SLC12A5: variants seen among roughly 807,000 people sequenced by gnomAD.
SLC12A5 encodes K-Cl cotransporter 2.
A neutral mutation model predicts 124.0 loss-of-function variants in SLC12A5; 18 were observed. The ratio of observed to expected loss-of-function variants is 0.15; its 90% confidence interval spans 0.10 to 0.22. The LOEUF (loss-of-function observed/expected upper bound fraction) is 0.22, where lower values mean the gene tolerates loss of function less well. SLC12A5 is among the 10% of genes least tolerant of loss of function. SLC12A5 has a pLI of 1.00. For synonymous variants in SLC12A5, 589 were observed against 568.0 expected, an observed-to-expected ratio of 1.04 and a Z score of -0.53; for missense variants, 867 against 1,478.7, an observed-to-expected ratio of 0.59 and a Z score of 6.78.
Position 46,036,634 on chromosome 20 carries a change from A to G in SLC12A5, c.427-107A>G, listed in dbSNP as rs1882662593. ...GGTCCAGGGAGCAGCTCAGCAGAAG[A>G]GAACCTGTGGGTTTGGCTGGTGTTT... On this transcript the variant is annotated intron_variant, in intron 4 of 25. Transcript: ENST00000243964. The G allele has an allele frequency of 3.4e-6, 4 of 1,176,998 alleles. No individual in the cohort carries two copies. In the Admixed American group the frequency reaches 5.3e-5, roughly 16 times the overall value. The allele number at this position is 1,176,998 out of a possible 1,614,324, so 72.9% of individuals were successfully genotyped here.
At chr20:46,039,107 T>C (rs767835666) in intron 6 of SLC12A5, among the ~76,000 whole-genome samples, 8 of 152,354 alleles carry the variant, frequency 5.3e-5, no homozygotes, top group South Asian at 4.1e-4. Flanking sequence ...CTAGTTTTTG[T>C]TTTTCTATGT....
chr20:46,053,903 AT>A lies in SLC12A5; in HGVS notation c.2679+195del, dbSNP rs1254920119. Among the ~76,000 whole-genome samples the A allele has an allele frequency of 6.6e-6, 1 of 152,184 alleles. No homozygotes were observed. Among genetic ancestry groups the A allele is most frequent in the Non-Finnish European group, 1.5e-5 (1 of 68,026 alleles). ...AGTAGCCATGTCTAGTGCTTATTAT[AT>A]GCCAGGCACTGTTCTATGCACTTTA... On this transcript the variant is annotated intron_variant, in intron 20 of 25. Coordinates refer to ENST00000243964, the MANE Select transcript of SLC12A5 (RefSeq NM_020708.5). The surrounding 1 kb of genome is among the most constrained non-coding windows in gnomAD (Gnocchi z 4.7).
rs6131007 is a variant in SLC12A5 at position 46,059,314 on chromosome 20, A to G, written c.*1709A>G. The stretch of plus-strand genomic sequence containing the variant: ...CAGAGCTGGAGCTGGCGCCACCCAG[A>G]CAGCGTCAGGTGTGGCTGGGGTAGG... On this transcript the variant is annotated 3_prime_UTR_variant, in exon 26 of 26. Transcript: ENST00000243964. 1.8e-3 allele frequency: 663 copies of G among 358,794 alleles called. 8 individuals carry two copies. In the East Asian group the frequency reaches 0.025, roughly 14 times the overall value. 22.2% of individuals were successfully genotyped at this position (358,794 alleles called of 1,614,324 possible).
intron 1 of SLC12A5, chr20:46,021,956 C>T (rs2084359272): frequency 2.1e-6 from 3 of 1,414,298 alleles, no homozygotes; most frequent in East Asian, 2.7e-5. Flanking sequence ...GGCGGACCGT[C>T]TGTTGAAGGG....
At chr20:46,047,241 T>G (rs984400684) in intron 14 of SLC12A5, among the ~76,000 whole-genome samples, 4 of 152,118 alleles carry the variant, frequency 2.6e-5, no homozygotes, top group African/African-American at 9.7e-5. Context: ...GGGCAGGGCA[T>G]TGGGTAGTGC....
intron 8 of SLC12A5, 43 bp downstream of exon 8, chr20:46,041,583 G>T (rs747042473): frequency 7.5e-6 from 12 of 1,604,516 alleles, no homozygotes; most frequent in Non-Finnish European, 1.0e-5. Context: ...AACGCTGCAG[G>T]GATTGTAGGT....
At chr20:46,051,555 C>T in intron 17 of SLC12A5, 120 bp from the exon 18 acceptor site, 1 of 915,918 alleles carries the variant, frequency 1.1e-6, no homozygotes, top group East Asian at 2.7e-5. Flanking sequence ...GTGATCAGAG[C>T]TGAGCTTCAG....
intron 4 of SLC12A5, 37 bp from the exon 5 acceptor site, chr20:46,036,704 A>C (rs1430393912): frequency 1.2e-6 from 2 of 1,612,568 alleles, no homozygotes; most frequent in Non-Finnish European, 1.7e-6. Flanking sequence ...TGCGGCCCCT[A>C]CCCCAGCCAC....
In SLC12A5 at chr20:46,047,362, T is replaced by G. The variant is rs116409421; in HGVS notation, c.1788-92T>G. 9.1e-4 allele frequency: 1,402 copies of G among 1,546,960 alleles called. 11 individuals are homozygous for G. The African/African-American group carries it at 0.018, about 19-fold the overall frequency. On this transcript the variant is annotated intron_variant, in intron 14 of 25. Transcript: ENST00000243964. Reference sequence around the variant, plus strand: ...GCTGTCACCTCCCAGGTCTTGCCCATGCCCTGCCCCATCTCCCTCTTGCTT... The same window carrying G: ...GCTGTCACCTCCCAGGTCTTGCCCAGGCCCTGCCCCATCTCCCTCTTGCTT...
In SLC12A5 at chr20:46,034,834, T is replaced by C. The variant is rs1458175692; in HGVS notation, c.53-114T>C. The C allele has an allele frequency of 3.3e-6, 3 of 918,324 alleles. No individual in the cohort carries two copies. In the African/African-American group the frequency reaches 4.9e-5, roughly 15 times the overall value. 56.9% of individuals were successfully genotyped at this position (918,324 alleles called of 1,614,324 possible). ...GCAAGGAAGGTGGTATTAGCCCCAT[T>C]TTCCCAATGCGCGAACTGAGATTCA... On this transcript the variant is annotated intron_variant, in intron 1 of 25. Coordinates refer to ENST00000243964, the MANE Select transcript of SLC12A5 (RefSeq NM_020708.5).
chr20:46,056,232 A>C lies in SLC12A5; in HGVS notation c.2870A>C (p.Glu957Ala). The change falls in exon 22 of 26, where the codon GAA becomes GCA. Residue 957 changes from glutamate to alanine, a missense_variant. By Grantham distance (107) the Glu-to-Ala change is moderately radical. Coordinates refer to ENST00000243964, the MANE Select transcript of SLC12A5 (RefSeq NM_020708.5). The surrounding 1 kb of genome is among the most constrained non-coding windows in gnomAD (Gnocchi z 4.3). Reference protein sequence around the residue: ...ANTRLRLNVPEETAGDSEEKP... With the variant: ...ANTRLRLNVPAETAGDSEEKP... The stretch of plus-strand genomic sequence containing the variant: ...ACGCGGCTCCGCCTGAACGTCCCAG[A>C]AGAGACGGCTGGTGACAGTGAAGAG... 6 of 1,614,172 alleles carry C rather than the reference A, an allele frequency of 3.7e-6. No individual in the cohort carries two copies. Among genetic ancestry groups the C allele is most frequent in the Non-Finnish European group, 5.1e-6 (6 of 1,180,016 alleles).
At chr20:46,054,430 T>TG (rs2145505235) in intron 20 of SLC12A5, among the ~76,000 whole-genome samples, 1 of 152,336 alleles carries the variant, frequency 6.6e-6, no homozygotes, top group East Asian at 1.9e-4. Context: ...CTAGAGCGTG[T>TG]GCCCCTGGTG....
At chr20:46,031,039 C>G (rs1389147291) in intron 1 of SLC12A5, among the ~76,000 whole-genome samples, 1 of 152,172 alleles carries the variant, frequency 6.6e-6, no homozygotes, top group African/African-American at 2.4e-5. Flanking sequence ...TCCGGGATCC[C>G]CTTCAGATGC....
upstream of SLC12A5, chr20:46,029,069 T>TG: frequency 8.1e-7 from 1 of 1,229,604 alleles, no homozygotes; most frequent in Non-Finnish European, 1.0e-6. Flanking sequence ...CTCTTCTCTC[T>TG]CCCTCCCGCT....
chr20:46,057,385 G>C lies in SLC12A5; in HGVS notation c.3259+82G>C. The stretch of plus-strand genomic sequence containing the variant: ...CCTGTCCCTGGGATGGAAGAGCTGA[G>C]CTGTTCCTGCCTCCGGATCAGCACC... On this transcript the variant is annotated intron_variant, in intron 25 of 25. Coordinates refer to ENST00000243964, the MANE Select transcript of SLC12A5 (RefSeq NM_020708.5). This position sits in a 1 kb window ranked among gnomAD's most constrained non-coding sequence, Gnocchi z 7.1. The C allele has an allele frequency of 6.2e-7, 1 of 1,609,860 alleles. No individual in the cohort carries two copies. Among genetic ancestry groups the C allele is most frequent in the East Asian group, 2.2e-5 (1 of 44,808 alleles).
rs907497291 is a variant in SLC12A5, at chr20:46,044,884, G to C, written c.1395-82G>C. The stretch of plus-strand genomic sequence containing the variant: ...TTAGTCCTGTGGCAGGCACACAGTT[G>C]GTTCTGTAGTTGGTATGGAGACCTG... On this transcript the variant is annotated intron_variant, in intron 11 of 25. Coordinates refer to ENST00000243964, the MANE Select transcript of SLC12A5 (RefSeq NM_020708.5). 8 of 1,502,540 alleles carry C rather than the reference G, an allele frequency of 5.3e-6. No individual in the cohort carries two copies. In the African/African-American group the frequency reaches 1.1e-4, roughly 21 times the overall value. 93.1% of individuals were successfully genotyped at this position (1,502,540 alleles called of 1,614,324 possible). A position where few individuals can be genotyped will look rare whatever the true frequency, so the allele number is the denominator to read the frequency against.
At chr20:46,036,672 G>A (rs562954904) in intron 4 of SLC12A5, 69 bp from the exon 5 acceptor site, 1 of 1,565,740 alleles carries the variant, frequency 6.4e-7, no homozygotes, top group Non-Finnish European at 8.8e-7. Flanking sequence ...GGGGTATAAG[G>A]CTTGGCCCCC....
chr20:46,046,536 A>G, intron 14 of SLC12A5, 100 bp downstream of exon 14: 1 of 1,011,232 alleles, frequency 9.9e-7, no homozygotes, highest in Non-Finnish European at 1.5e-6. Context: ...AAGGACCCCA[A>G]ACCTGAAGAG....
At chr20:46,034,769 G>C (rs1369888888) in intron 1 of SLC12A5, among the ~76,000 whole-genome samples, 179 bp from the exon 2 acceptor site, 1 of 152,148 alleles carries the variant, frequency 6.6e-6, no homozygotes, top group Non-Finnish European at 1.5e-5. Context: ...ATACCAGCTA[G>C]TGCATTAGGC....
Sources: allele counts gnomAD v4.1 joint callset (sites outside exome capture counted in the v4.1 genomes callset), GRCh38; gene constraint gnomAD v4.1.1; non-coding constraint Gnocchi (gnomAD v3.1); transcripts MANE v1.5; gene names NCBI Gene and HGNC (gene_info 2026-07-23, HGNC 2026-07-21).